The following NKX2-3 variants were observed in gnomAD, a reference collection of about 807,000 sequenced individuals.
NKX2-3 encodes the protein homeobox protein Nkx-2.3.
In NKX2-3, 3 loss-of-function variants were observed where a neutral mutation model predicts 14.2. The ratio of observed to expected loss-of-function variants is 0.21; its 90% CI spans 0.10 to 0.55. The LOEUF (loss-of-function observed/expected upper bound fraction) is 0.55, where lower values mean the gene tolerates loss of function less well. NKX2-3 is among the 20% of genes least tolerant of loss of function. The probability of loss-of-function intolerance (pLI) is 0.94; values close to 1 mark genes in which losing one functional copy is unlikely to be tolerated. For synonymous variants in NKX2-3, 276 were observed against 234.2 expected, an observed-to-expected ratio of 1.18 and a Z score of -1.63; for missense variants, 511 against 514.5, an observed-to-expected ratio of 0.99 and a Z score of 0.06.
chr10:99,534,857 T>C, intron 1 of NKX2-3, 128 bp from the exon 2 acceptor site: 2 of 1,172,598 alleles, frequency 1.7e-6, no homozygotes, highest in East Asian at 5.1e-5. Context: ...CCACAAACGT[T>C]CCCAAAAGTC....
chr10:99,535,183 A>G lies in NKX2-3; in HGVS notation c.557A>G (p.Lys186Arg). The change falls in exon 2 of 2, where the codon AAG (lysine) becomes AGG (arginine). Residue 186 changes from lysine to arginine, a missense_variant. This residue lies in a region of NKX2-3 where 243 missense variants were observed against 242.3 expected (regional missense o/e 1.00). Transcript: ENST00000344586. Reference sequence around the variant, plus strand: ...CGCGAGCACCTCGCCAGCAGCCTGAAGCTCACATCCACTCAGGTGAAAATC... The same window carrying G: ...CGCGAGCACCTCGCCAGCAGCCTGAGGCTCACATCCACTCAGGTGAAAATC... The part of the protein sequence containing the change: ...PEREHLASSL[K>R]LTSTQVKIWF... 6.2e-7 allele frequency: 1 copy of G among 1,613,460 alleles called. No individual in the cohort carries two copies. Among genetic ancestry groups the G allele is most frequent in the Non-Finnish European group, 8.5e-7 (1 of 1,179,876 alleles).
chr10:99,535,148 G>C lies in NKX2-3; in HGVS notation c.522G>C (p.Ser174=), dbSNP rs777145069. The part of the protein sequence containing the change: ...ERRFKQQRYL[S]APEREHLASS... Reference sequence around the variant, plus strand: ...GGTTCAAGCAGCAGCGGTACCTGTCGGCACCCGAGCGCGAGCACCTCGCCA... The same window carrying C: ...GGTTCAAGCAGCAGCGGTACCTGTCCGCACCCGAGCGCGAGCACCTCGCCA... Residue 174 remains serine (S), a synonymous_variant, in exon 2 of 2, where the codon TCG becomes TCC. Transcript: ENST00000344586. 10 of 1,613,040 alleles carry C rather than the reference G, an allele frequency of 6.2e-6. No individual in the cohort carries two copies. Among genetic ancestry groups the C allele is most frequent in the East Asian group, 2.2e-5 (1 of 44,850 alleles).
rs1255521105 is a variant in NKX2-3, at chr10:99,535,669, C to A, written c.1043C>A (p.Ala348Glu). 1 of 1,537,398 alleles carries A rather than the reference C, an allele frequency of 6.5e-7. No individual in the cohort carries two copies. Among genetic ancestry groups the A allele is most frequent in the East Asian group, 2.5e-5 (1 of 40,690 alleles). ...GCACAGCCGTTGCACCAGGGTACTG[C>A]AGCCGGGGCCGCGTGCGCTCAGGGC... ...GSAQPLHQGTAAGAACAQGTL... is the reference protein window; with the variant it reads ...GSAQPLHQGTEAGAACAQGTL... The change falls in exon 2 of 2, where the codon GCA (alanine) becomes GAA (glutamate). Residue 348 changes from alanine to glutamate, a missense_variant. Physicochemically the swap from Ala to Glu is moderately radical, Grantham distance 107. Transcript: ENST00000344586.
intron 1 of NKX2-3, among the ~76,000 whole-genome samples, chr10:99,534,474 TCTTTTATAAGCCACA>T (rs1341796673): frequency 6.6e-6 from 1 of 152,214 alleles, no homozygotes; most frequent in African/African-American, 2.4e-5. Flanking sequence ...TCGCTTGTAG[TCTTTTATAAGCCACA>T]CACACACACA....
chr10:99,533,360 G>A lies in NKX2-3; in HGVS notation c.229G>A (p.Ala77Thr), dbSNP rs767956783. ...GEKLSYLNSL[A>T]AADGHGDSGL... ...GAAATTGTCCTATTTGAACTCACTA[G>A]CCGCAGCAGACGGCCACGGGGATTC... Residue 77 changes from alanine to threonine, a missense_variant, in exon 1 of 2, where the codon GCC becomes ACC. Ala to Thr is a moderately conservative substitution (Grantham distance 58). This residue lies in a region of NKX2-3 where 243 missense variants were observed against 242.3 expected (regional missense o/e 1.00). Coordinates refer to ENST00000344586, the MANE Select transcript of NKX2-3 (RefSeq NM_145285.3). 9 of 1,611,422 alleles carry A rather than the reference G, an allele frequency of 5.6e-6. No homozygotes were observed. The highest frequency in any genetic ancestry group is 1.1e-5 in the South Asian group (1 of 90,486).
intron 1 of NKX2-3, among the ~76,000 whole-genome samples, chr10:99,534,234 C>T (rs1454617016): frequency 6.6e-6 from 1 of 152,180 alleles, no homozygotes; most frequent in Non-Finnish European, 1.5e-5. Flanking sequence ...CTTGGCTGCT[C>T]ACATCGGATG....
chr10:99,533,834 C>G (rs900826288), intron 1 of NKX2-3, among the ~76,000 whole-genome samples: 2 of 152,250 alleles, frequency 1.3e-5, no homozygotes, highest in Admixed American at 1.3e-4. Flanking sequence ...CCCCAAAAGG[C>G]TCTTCCCCCA....
rs769452344 is a variant in NKX2-3, at chr10:99,535,036, CGGA to C, written c.415_417del (p.Glu139del). ...GAGACGGCCGGAGACTGCAAGGCGG[CGGA>C]GGAGAGCGAGAGGCCGAAGCCACGC... is the stretch of plus-strand genomic sequence containing the variant. On this transcript the variant is annotated inframe_deletion, in exon 2 of 2. Coordinates refer to ENST00000344586, the MANE Select transcript of NKX2-3 (RefSeq NM_145285.3). 174 of 1,606,158 alleles carry C rather than the reference CGGA, an allele frequency of 1.1e-4. No individual in the cohort carries two copies. Among genetic ancestry groups the C allele is most frequent in the Admixed American group, 8.3e-4 (49 of 59,144 alleles).
At chr10:99,533,864 C>A (rs898129996) in intron 1 of NKX2-3, among the ~76,000 whole-genome samples, 14 of 152,338 alleles carry the variant, frequency 9.2e-5, no homozygotes, top group African/African-American at 3.4e-4. Context: ...GGAGCCTGGA[C>A]CTTTTTCGTT....
intron 1 of NKX2-3, among the ~76,000 whole-genome samples, chr10:99,534,516 A>G (rs1403071716): frequency 2.6e-5 from 4 of 152,250 alleles, no homozygotes; most frequent in Non-Finnish European, 5.9e-5. Flanking sequence ...TGAGCCATGC[A>G]CAAGCGTTAC....
Position 99,535,015 on chromosome 10 carries a change from C to G in NKX2-3, c.389C>G (p.Thr130Arg), listed in dbSNP as rs773560961. ...KSCQLKKSLE[T>R]AGDCKAAEES... The stretch of plus-strand genomic sequence containing the variant: ...TGCCAGCTGAAGAAGTCTCTAGAGA[C>G]GGCCGGAGACTGCAAGGCGGCGGAG... The change falls in exon 2 of 2, where the codon ACG (threonine) becomes AGG (arginine). Residue 130 changes from threonine to arginine, a missense_variant. Transcript: ENST00000344586. The G allele has an allele frequency of 6.2e-7, 1 of 1,605,064 alleles. No homozygotes were observed. The highest frequency in any genetic ancestry group is 1.3e-5 in the African/African-American group (1 of 74,892).
In NKX2-3 at chr10:99,533,920, CCTT is replaced by C. The variant is rs531515158; in HGVS notation, c.358+437_358+439del. 2.3e-3 allele frequency among the ~76,000 whole-genome samples: 354 copies of C among 152,280 alleles called. 2 individuals carry two copies. Among genetic ancestry groups the C allele is most frequent in the Non-Finnish European group, 2.1e-3 (144 of 68,022 alleles). On this transcript the variant is annotated intron_variant, in intron 1 of 1. Coordinates refer to ENST00000344586, the MANE Select transcript of NKX2-3 (RefSeq NM_145285.3). ...GTTCTCTTAGCCCAGGGCAGCCACC[CCTT>C]CTTCTCCGAAAAGACAGCCCAAGCA...
rs2033953968 is a variant in NKX2-3 at position 99,535,123 on chromosome 10, G to A, written c.497G>A (p.Arg166Lys). The A allele has an allele frequency of 6.2e-7, 1 of 1,612,548 alleles. No homozygotes were observed. Among genetic ancestry groups the A allele is most frequent in the Non-Finnish European group, 8.5e-7 (1 of 1,179,562 alleles). ...SQAQVFELERRFKQQRYLSAP... is the reference protein window; with the variant it reads ...SQAQVFELERKFKQQRYLSAP... The stretch of plus-strand genomic sequence containing the variant: ...GCCCAGGTCTTCGAGCTGGAACGCA[G>A]GTTCAAGCAGCAGCGGTACCTGTCG... The change falls in exon 2 of 2, where the codon AGG (arginine) becomes AAG (lysine). Residue 166 changes from arginine (R) to lysine (K), a missense_variant. By Grantham distance (26) the Arg-to-Lys change is conservative. This residue lies in a region of NKX2-3 where 243 missense variants were observed against 242.3 expected (regional missense o/e 1.00). Coordinates refer to ENST00000344586, the MANE Select transcript of NKX2-3 (RefSeq NM_145285.3).
At position 99,535,808 on chromosome 10, in the gene NKX2-3, G is replaced by C. The variant is rs1469057744; in HGVS notation, c.*87G>C. On this transcript the variant is annotated 3_prime_UTR_variant, in exon 2 of 2. Transcript: ENST00000344586. ...GAGAAGGGCCTGACCTAAAGGTCAG[G>C]TCCCCTCGTTAAAAAAATATGTACG... is the stretch of plus-strand genomic sequence containing the variant. The C allele has an allele frequency of 7.2e-7, 1 of 1,392,080 alleles. No individual in the cohort carries two copies. Among genetic ancestry groups the C allele is most frequent in the African/African-American group, 1.5e-5 (1 of 65,464 alleles). 86.2% of individuals were successfully genotyped at this position (1,392,080 alleles called of 1,614,324 possible).
At position 99,533,006 on chromosome 10, in the gene NKX2-3, GAC is replaced by G; in HGVS notation, c.-125_-124del. On this transcript the variant is annotated 5_prime_UTR_variant, in exon 1 of 2. Transcript: ENST00000344586. ...ATGGAGGCGATTTAGACTGGAGTGGGACCGCGTCTGTCAAAAGCCCGACTCGG... is the reference window on the plus strand; with the variant it reads ...ATGGAGGCGATTTAGACTGGAGTGGGCGCGTCTGTCAAAAGCCCGACTCGG... The G allele has an allele frequency of 1.4e-6, 1 of 702,182 alleles. No homozygotes were observed. The highest frequency in any genetic ancestry group is 2.5e-6 in the Non-Finnish European group (1 of 402,908). 43.5% of individuals were successfully genotyped at this position (702,182 alleles called of 1,614,324 possible). A position where few individuals can be genotyped will look rare whatever the true frequency, so the allele number is the denominator to read the frequency against.
chr10:99,534,956 A>G, intron 1 of NKX2-3, 29 bp from the exon 2 acceptor site: 4 of 1,567,572 alleles, frequency 2.6e-6, no homozygotes, highest in Non-Finnish European at 3.5e-6. Context: ...GGGAACAGCT[A>G]AGGACGCTGT....
Position 99,535,391 on chromosome 10 carries a change from C to A in NKX2-3, c.765C>A (p.Ser255Arg). 6.9e-7 allele frequency: 1 copy of A among 1,448,114 alleles called. No homozygotes were observed. Among genetic ancestry groups the A allele is most frequent in the Non-Finnish European group, 9.0e-7 (1 of 1,106,012 alleles). The allele number at this position is 1,448,114 out of a possible 1,614,324, so 89.7% of individuals were successfully genotyped here. A position where few individuals can be genotyped will look rare whatever the true frequency, so the allele number is the denominator to read the frequency against. The change falls in exon 2 of 2, where the codon AGC becomes AGA. Residue 255 changes from serine (S) to arginine (R), a missense_variant. Physicochemically the swap from Ser to Arg is moderately radical, Grantham distance 110 (BLOSUM62 -1). Coordinates refer to ENST00000344586, the MANE Select transcript of NKX2-3 (RefSeq NM_145285.3). ...GCGCGCCCTACAGCGTGGGCGCCAG[C>A]GCCTACTCCTACAACAGCTTCCCCG... ...AYGAPYSVGASAYSYNSFPAY... is the reference protein window; with the variant it reads ...AYGAPYSVGARAYSYNSFPAY...
In NKX2-3 at chr10:99,535,889, C is replaced by T. The variant is rs1392930015; in HGVS notation, c.*168C>T. ...CACTCGAGGCCTGGGGAAGGGGACT[C>T]AGGGGCGAGGAGGATGACTGGGTCC... is the stretch of plus-strand genomic sequence containing the variant. On this transcript the variant is annotated 3_prime_UTR_variant, in exon 2 of 2. Transcript: ENST00000344586. 1.3e-6 allele frequency: 1 copy of T among 790,938 alleles called. No individual in the cohort carries two copies. 49.0% of individuals were successfully genotyped at this position (790,938 alleles called of 1,614,324 possible). A position where few individuals can be genotyped will look rare whatever the true frequency, so the allele number is the denominator to read the frequency against.
rs1460268254 is a variant in NKX2-3 at position 99,535,121 on chromosome 10, C to A, written c.495C>A (p.Arg165=). The change falls in exon 2 of 2, where the codon CGC becomes CGA. Residue 165 remains arginine (R), a synonymous_variant. Transcript: ENST00000344586. ...AAGCCCAGGTCTTCGAGCTGGAACGCAGGTTCAAGCAGCAGCGGTACCTGT... is the reference window on the plus strand; with the variant it reads ...AAGCCCAGGTCTTCGAGCTGGAACGAAGGTTCAAGCAGCAGCGGTACCTGT... ...FSQAQVFELE[R]RFKQQRYLSA... 1 of 1,612,270 alleles carries A rather than the reference C, an allele frequency of 6.2e-7. No individual in the cohort carries two copies. Among genetic ancestry groups the A allele is most frequent in the East Asian group, 2.2e-5 (1 of 44,806 alleles).
Sources: gnomAD v4.1 joint callset for allele counts (sites outside exome capture counted in the v4.1 genomes callset) on GRCh38, gnomAD v4.1.1 for gene constraint, gnomAD v4.1.1 regional missense constraint, MANE v1.5 for transcripts, NCBI Gene and HGNC (gene_info 2026-07-23, HGNC 2026-07-21) for gene names.